C1orf53: variants seen among roughly 807,000 people sequenced by gnomAD.
C1orf53 encodes the protein uncharacterized protein C1orf53.
In C1orf53, 23 loss-of-function variants were observed where a neutral mutation model predicts 17.5. The observed-to-expected ratio is 1.31, with a 90% CI of 0.94 to 1.86. The LOEUF is 1.86. Ranked by LOEUF, C1orf53 falls within the 40% of genes most tolerant of loss-of-function variation. C1orf53 has a pLI of 0.00. For synonymous variants in C1orf53, 108 were observed against 81.9 expected (o/e 1.32, Z -1.72); for missense variants, 255 against 193.2 (o/e 1.32, Z -1.89).
At chr1:197,906,039 A>G in intron 2 of C1orf53, 142 bp downstream of exon 2, 2 of 659,680 alleles carry the variant, frequency 3.0e-6, no homozygotes, top group South Asian at 1.8e-5. Flanking sequence ...GCCAACGACA[A>G]TGAAGTCCTT....
At chr1:197,903,373 A>T (rs1213328426) in intron 1 of C1orf53, among the ~76,000 whole-genome samples, 1 of 152,140 alleles carries the variant, frequency 6.6e-6, no homozygotes, top group Non-Finnish European at 1.5e-5. Context: ...ATTTATTTTA[A>T]TTTTTCCATT....
At position 197,902,653 on chromosome 1, in the gene C1orf53, G is replaced by C; in HGVS notation, c.4G>C (p.Ala2Pro). The change falls in exon 1 of 3, where the codon GCG (alanine) becomes CCG (proline). Residue 2 changes from alanine to proline, a missense_variant. Coordinates refer to ENST00000367393, the MANE Select transcript of C1orf53 (RefSeq NM_001024594.3). ...GCCTCCCAAGGCCGGCGGCGGCATG[G>C]CGGCCAGGCAGATCTGGGCACGGAC... is the stretch of plus-strand genomic sequence containing the variant. The part of the protein sequence containing the change: M[A>P]ARQIWARTGA... The C allele has an allele frequency of 7.0e-7, 1 of 1,434,582 alleles. No homozygotes were observed. Among genetic ancestry groups the C allele is most frequent in the Non-Finnish European group, 9.1e-7 (1 of 1,099,382 alleles). 88.9% of individuals were successfully genotyped at this position (1,434,582 alleles called of 1,614,324 possible).
intron 1 of C1orf53, 136 bp from the exon 2 acceptor site, chr1:197,905,660 A>C: frequency 1.6e-6 from 1 of 623,372 alleles, no homozygotes; most frequent in Non-Finnish European, 2.8e-6. Flanking sequence ...CTTTAATTGC[A>C]AGTGCCACTA....
At chr1:197,903,229 G>C (rs377289096) in intron 1 of C1orf53, among the ~76,000 whole-genome samples, 23 of 152,310 alleles carry the variant, frequency 1.5e-4, no homozygotes, top group East Asian at 3.9e-4. Flanking sequence ...GCGGAAGGGG[G>C]TGTTAAGGAA....
intron 1 of C1orf53, among the ~76,000 whole-genome samples, chr1:197,905,231 A>AATAAC (rs1329555347): frequency 6.6e-6 from 1 of 152,016 alleles, no homozygotes; most frequent in Non-Finnish European, 1.5e-5. Flanking sequence ...AAATACAACT[A>AATAAC]ATAACACACC....
chr1:197,903,953 A>T (rs1328071438), intron 1 of C1orf53, among the ~76,000 whole-genome samples: 1 of 152,260 alleles, frequency 6.6e-6, no homozygotes, highest in Non-Finnish European at 1.5e-5. Flanking sequence ...ATTAAAGAAA[A>T]GTGTCATTCT....
At chr1:197,906,199 G>C (rs1368271600) in intron 2 of C1orf53, among the ~76,000 whole-genome samples, 1 of 152,150 alleles carries the variant, frequency 6.6e-6, no homozygotes, top group Non-Finnish European at 1.5e-5. Flanking sequence ...GTTTTCATTA[G>C]GCAAGTACAA....
In C1orf53 at chr1:197,902,812, A is replaced by G; in HGVS notation, c.163A>G (p.Ser55Gly). 1 of 1,575,330 alleles carries G rather than the reference A, an allele frequency of 6.3e-7. No individual in the cohort carries two copies. Among genetic ancestry groups the G allele is most frequent in the Non-Finnish European group, 8.6e-7 (1 of 1,168,198 alleles). ...GGGAAACTGCGGCGGCTCCGCGCCC[A>G]GCACGCCCGGTAGGCCGGAGAGAGC... is the stretch of plus-strand genomic sequence containing the variant. ...NEGNCGGSAP[S>G]TPGRPERAAR... The change falls in exon 1 of 3, where the codon AGC (serine) becomes GGC (glycine). Residue 55 changes from serine to glycine, a missense_variant. Ser to Gly is a moderately conservative substitution (Grantham distance 56). Coordinates refer to ENST00000367393, the MANE Select transcript of C1orf53 (RefSeq NM_001024594.3).
In C1orf53 at chr1:197,902,655, G is replaced by T; in HGVS notation, c.6G>T (p.Ala2=). 6.9e-7 allele frequency: 1 copy of T among 1,451,668 alleles called. No homozygotes were observed. The highest frequency in any genetic ancestry group is 9.0e-7 in the Non-Finnish European group (1 of 1,107,008). 89.9% of individuals were successfully genotyped at this position (1,451,668 alleles called of 1,614,324 possible). Residue 2 remains alanine, a synonymous_variant, in exon 1 of 3, where the codon GCG becomes GCT. Transcript: ENST00000367393. The stretch of plus-strand genomic sequence containing the variant: ...CTCCCAAGGCCGGCGGCGGCATGGC[G>T]GCCAGGCAGATCTGGGCACGGACGG... M[A]ARQIWARTGA... is the part of the protein sequence containing the mutation.
chr1:197,905,891 C>T lies in C1orf53; in HGVS notation c.360C>T (p.Cys120=). ...LQRGECCGSA[C]RHCPYGQVNV... ...GAGGTGAATGTTGTGGCTCTGCGTGCAGACATGTGAGTAGCAATTCTTGCA... is the reference window on the plus strand; with the variant it reads ...GAGGTGAATGTTGTGGCTCTGCGTGTAGACATGTGAGTAGCAATTCTTGCA... Residue 120 remains cysteine (C), a synonymous_variant, in exon 2 of 3, where the codon TGC becomes TGT. Coordinates refer to ENST00000367393, the MANE Select transcript of C1orf53 (RefSeq NM_001024594.3). The T allele has an allele frequency of 6.2e-7, 1 of 1,612,082 alleles. No homozygotes were observed. The highest frequency in any genetic ancestry group is 8.5e-7 in the Non-Finnish European group (1 of 1,178,228).
Position 197,902,728 on chromosome 1 carries a change from C to G in C1orf53, c.79C>G (p.Leu27Val), listed in dbSNP as rs1414006241. The change falls in exon 1 of 3, where the codon CTC (leucine) becomes GTC (valine). Residue 27 changes from leucine to valine, a missense_variant. By Grantham distance (32) the Leu-to-Val change is conservative (BLOSUM62 1). Transcript: ENST00000367393. ...QPSAAPPPAP[L>V]WVRAGFRQQL... ...TTCCGCCGCCCCGCCGCCAGCACCT[C>G]TCTGGGTAAGAGCTGGGTTCCGACA... 2 of 1,557,540 alleles carry G rather than the reference C, an allele frequency of 1.3e-6. No individual in the cohort carries two copies. Among genetic ancestry groups the G allele is most frequent in the Non-Finnish European group, 1.7e-6 (2 of 1,160,266 alleles).
intron 1 of C1orf53, among the ~76,000 whole-genome samples, chr1:197,903,225 G>A (rs1314887817): frequency 1.3e-5 from 2 of 152,220 alleles, no homozygotes; most frequent in African/African-American, 2.4e-5. Flanking sequence ...TGTTGCGGAA[G>A]GGGGTGTTAA....
At chr1:197,906,405 AC>A (rs1345946539) in intron 2 of C1orf53, among the ~76,000 whole-genome samples, 3 of 88,034 alleles carry the variant, frequency 3.4e-5, no homozygotes, top group East Asian at 2.8e-4. Flanking sequence ...TCTGTTCCCC[AC>A]CCCCCGCCAC....
rs1659511195 is a variant in C1orf53 at position 197,905,598 on chromosome 1, C to T, written c.265-198C>T. The T allele has an allele frequency of 5.9e-6, 3 of 511,780 alleles. No individual in the cohort carries two copies. The Admixed American group carries it at 1.1e-4, about 19-fold the overall frequency. The allele number at this position is 511,780 out of a possible 1,614,324, so 31.7% of individuals were successfully genotyped here. A position where few individuals can be genotyped will look rare whatever the true frequency, so the allele number is the denominator to read the frequency against. On this transcript the variant is annotated intron_variant, in intron 1 of 2. Transcript: ENST00000367393. ...TCATTTTTCTCAAACTGTATATTTT[C>T]TCCTTATGTCACATAAAGTTGGATT...
chr1:197,903,060 C>G, intron 1 of C1orf53, 147 bp downstream of exon 1: 1 of 688,636 alleles, frequency 1.5e-6, no homozygotes, highest in Non-Finnish European at 2.1e-6. Flanking sequence ...GGGCGACATT[C>G]GCGCACGCAC....
chr1:197,902,770 C>A lies in C1orf53; in HGVS notation c.121C>A (p.Leu41Ile). The A allele has an allele frequency of 6.3e-7, 1 of 1,578,538 alleles. No individual in the cohort carries two copies. The change falls in exon 1 of 3, where the codon CTC (leucine) becomes ATC (isoleucine). Residue 41 changes from leucine (L) to isoleucine (I), a missense_variant. Coordinates refer to ENST00000367393, the MANE Select transcript of C1orf53 (RefSeq NM_001024594.3). ...GTTCCGACAGCAGCTCAGCTTAACC[C>A]TCTGCCCTGCTAACGAGGGAAACTG... Reference protein sequence around the residue: ...AGFRQQLSLTLCPANEGNCGG... With the variant: ...AGFRQQLSLTICPANEGNCGG...
intron 2 of C1orf53, among the ~76,000 whole-genome samples, chr1:197,906,552 A>G (rs1659526676): frequency 6.6e-6 from 1 of 152,182 alleles, no homozygotes; most frequent in African/African-American, 2.4e-5. Flanking sequence ...CTCTATGTTC[A>G]CTAATTAAGA....
rs373090069 is a variant in C1orf53 at position 197,903,847 on chromosome 1, G to A, written c.264+934G>A. Among the ~76,000 whole-genome samples the A allele has an allele frequency of 1.2e-4, 18 of 152,334 alleles. No individual in the cohort carries two copies. In the East Asian group the frequency reaches 3.3e-3, roughly 28 times the overall value. On this transcript the variant is annotated intron_variant, in intron 1 of 2. Transcript: ENST00000367393. The stretch of plus-strand genomic sequence containing the variant: ...AAACTGAATAAAGACTCATTAGGAA[G>A]TGACTGGCAGCTTTTGATTGTTCTT...
At chr1:197,905,627 T>C in intron 1 of C1orf53, 169 bp from the exon 2 acceptor site, 1 of 584,332 alleles carries the variant, frequency 1.7e-6, no homozygotes, top group Non-Finnish European at 3.0e-6. Flanking sequence ...TTGGATTGTG[T>C]ATAATGCTGG....
Sources: gnomAD v4.1 joint callset for allele counts (sites outside exome capture counted in the v4.1 genomes callset) on GRCh38, gnomAD v4.1.1 for gene constraint, MANE v1.5 for transcripts, NCBI Gene and HGNC (gene_info 2026-07-23, HGNC 2026-07-21) for gene names.